The following NKAIN2 variants were observed in gnomAD, a reference collection of about 807,000 sequenced individuals.
NKAIN2 encodes the protein sodium/potassium transporting ATPase interacting 2.
Under a neutral mutation model 32.6 loss-of-function variants are expected in NKAIN2, and 14 were observed. The observed-to-expected ratio is 0.43, with a 90% CI of 0.28 to 0.67. The LOEUF (loss-of-function observed/expected upper bound fraction) is 0.67. NKAIN2 is among the 30% of genes least tolerant of loss of function. The probability of loss-of-function intolerance (pLI) is 0.17; values close to 1 mark genes in which losing one functional copy is unlikely to be tolerated. For synonymous variants in NKAIN2, 80 were observed against 87.2 expected (o/e 0.92, Z 0.46); for missense variants, 198 against 258.3 (o/e 0.77, Z 1.60).
At chr6:123,955,413 T>A (rs1777525991) in intron 1 of NKAIN2, among the ~76,000 whole-genome samples, 1 of 151,750 alleles carries the variant, frequency 6.6e-6, no homozygotes, top group South Asian at 2.1e-4. Flanking sequence ...ATCTTTAACT[T>A]TCATGTTCAA....
chr6:124,324,218 G>A (rs747310887), intron 2 of NKAIN2, among the ~76,000 whole-genome samples: 3 of 152,142 alleles, frequency 2.0e-5, no homozygotes, highest in Middle Eastern at 3.4e-3. Context: ...TCTTTACTAC[G>A]ATGAGTCTTT....
At chr6:124,037,555 T>C (rs1781659386) in intron 1 of NKAIN2, among the ~76,000 whole-genome samples, 1 of 152,126 alleles carries the variant, frequency 6.6e-6, no homozygotes, top group South Asian at 2.1e-4. Flanking sequence ...ACAAATTAAA[T>C]TCGGTCATGG....
intron 4 of NKAIN2, among the ~76,000 whole-genome samples, chr6:124,684,044 TTC>T (rs1773748341): frequency 6.6e-6 from 1 of 152,212 alleles, no homozygotes; most frequent in Non-Finnish European, 1.5e-5. Flanking sequence ...ATAAAATTAA[TTC>T]TTTCTTGAGG....
At position 124,668,970 on chromosome 6, in the gene NKAIN2, A is replaced by G. The variant is rs1019255577; in HGVS notation, c.474+10584A>G. ...GGTACTCACATGTTCTTTGGTTCAA[A>G]CTTGTGGCCTTAAAAGCTTCAAAGT... On this transcript the variant is annotated intron_variant, in intron 4 of 6. Coordinates refer to ENST00000368417, the MANE Select transcript of NKAIN2 (RefSeq NM_001040214.3). Among the ~76,000 whole-genome samples, 12 of 152,222 alleles carry G rather than the reference A, an allele frequency of 7.9e-5. 1 individual carries two copies. Among genetic ancestry groups the G allele is most frequent in the African/African-American group, 2.6e-4 (11 of 41,556 alleles).
intron 2 of NKAIN2, among the ~76,000 whole-genome samples, chr6:124,349,514 C>T (rs1798614388): frequency 6.6e-6 from 1 of 152,180 alleles, no homozygotes; most frequent in African/African-American, 2.4e-5. Context: ...AATTGTCAAT[C>T]ATTAATACAT....
At chr6:124,801,839 A>G (rs755957461) in intron 5 of NKAIN2, among the ~76,000 whole-genome samples, 5 of 152,228 alleles carry the variant, frequency 3.3e-5, no homozygotes, top group Non-Finnish European at 7.3e-5. Flanking sequence ...TTAGAGGACT[A>G]TGTAGAACTT....
intron 1 of NKAIN2, among the ~76,000 whole-genome samples, chr6:124,110,604 T>C (rs1231920230): frequency 1.3e-5 from 2 of 152,154 alleles, no homozygotes; most frequent in Admixed American, 6.6e-5. Flanking sequence ...TATCCAAGTG[T>C]ACTCAACATT....
intron 3 of NKAIN2, among the ~76,000 whole-genome samples, chr6:124,625,880 C>T (rs1196763915): frequency 7.8e-6 from 1 of 128,556 alleles, no homozygotes; most frequent in Non-Finnish European, 1.8e-5. Flanking sequence ...TACTCTTTCT[C>T]CTCTAACAAA....
chr6:124,301,573 G>C (rs1345760729), intron 2 of NKAIN2, among the ~76,000 whole-genome samples: 1 of 152,122 alleles, frequency 6.6e-6, no homozygotes, highest in East Asian at 1.9e-4. Context: ...AAAGCGGCTA[G>C]GAGGGCTGCT....
At chr6:123,992,491 A>C (rs143544055) in intron 1 of NKAIN2, among the ~76,000 whole-genome samples, 4 of 152,334 alleles carry the variant, frequency 2.6e-5, no homozygotes, top group African/African-American at 9.6e-5. Flanking sequence ...GAAAGTATTA[A>C]AGTGTAAAAT....
At chr6:124,553,426 G>A (rs1470575839) in intron 3 of NKAIN2, among the ~76,000 whole-genome samples, 4 of 152,148 alleles carry the variant, frequency 2.6e-5, no homozygotes, top group Non-Finnish European at 2.9e-5. Context: ...TCCTGCCTCA[G>A]CCTCCCGAGT....
intron 3 of NKAIN2, among the ~76,000 whole-genome samples, chr6:124,541,955 G>T (rs1037169018): frequency 1.3e-5 from 2 of 151,916 alleles, no homozygotes; most frequent in Non-Finnish European, 2.9e-5. Context: ...ATTTTTATTG[G>T]TGTAACCATA....
intron 3 of NKAIN2, among the ~76,000 whole-genome samples, chr6:124,375,458 C>T (rs1799951159): frequency 1.4e-5 from 2 of 145,046 alleles, no homozygotes; most frequent in South Asian, 2.2e-4. Flanking sequence ...ATATATATTA[C>T]ATAAACTAAT....
chr6:124,549,789 T>C (rs1350079937), intron 3 of NKAIN2, among the ~76,000 whole-genome samples: 1 of 152,158 alleles, frequency 6.6e-6, no homozygotes, highest in Non-Finnish European at 1.5e-5. Flanking sequence ...AGGGTATATG[T>C]TATTGAAAAG....
At chr6:124,221,465 G>T (rs80148282) in intron 1 of NKAIN2, among the ~76,000 whole-genome samples, 8,259 of 150,820 alleles carry the variant, frequency 0.055, 466 homozygotes, top group African/African-American at 0.12. Flanking sequence ...TAGATGACAA[G>T]TTAGTGGGTG....
intron 3 of NKAIN2, among the ~76,000 whole-genome samples, chr6:124,533,863 T>C (rs1276199355): frequency 6.6e-6 from 1 of 152,110 alleles, no homozygotes; most frequent in Non-Finnish European, 1.5e-5. Flanking sequence ...TACAAGTTCA[T>C]AGACAACCAT....
At chr6:124,464,366 G>A (rs539499112) in intron 3 of NKAIN2, among the ~76,000 whole-genome samples, 217 of 151,664 alleles carry the variant, frequency 1.4e-3, no homozygotes, top group African/African-American at 5.0e-3. Context: ...CTATGATTGT[G>A]TCAAGAAGTC....
At chr6:124,774,856 CAAA>C (rs777636496) in intron 4 of NKAIN2, among the ~76,000 whole-genome samples, 4 of 72,800 alleles carry the variant, frequency 5.5e-5, no homozygotes, top group Admixed American at 1.5e-4. Context: ...AACTTCATCT[CAAA>C]AAAAAAAAAA....
chr6:124,210,731 G>GA (rs1554266948), intron 1 of NKAIN2, among the ~76,000 whole-genome samples: 3 of 148,658 alleles, frequency 2.0e-5, no homozygotes, highest in African/African-American at 7.5e-5. Context: ...TTTGTTTTTT[G>GA]TTTTTTTTCA....
Sources: allele counts gnomAD v4.1 joint callset (sites outside exome capture counted in the v4.1 genomes callset), GRCh38; gene constraint gnomAD v4.1.1; transcripts MANE v1.5; gene names NCBI Gene and HGNC (gene_info 2026-07-23, HGNC 2026-07-21).